CD58: variants seen among roughly 807,000 people sequenced by gnomAD.
CD58 encodes lymphocyte function-associated antigen 3.
In CD58, 14 loss-of-function variants were observed where a neutral mutation model predicts 27.6. The observed-to-expected ratio is 0.51, with a 90% CI of 0.34 to 0.79. The LOEUF (loss-of-function observed/expected upper bound fraction) is 0.79, where lower values mean the gene tolerates loss of function less well. CD58 is among the 30% of genes least tolerant of loss of function. The pLI is 0.02. For missense variants in CD58, 268 were observed against 301.7 expected (o/e 0.89, Z 0.83); for synonymous variants, 117 against 103.8 (o/e 1.13, Z -0.77).
At position 116,536,050 on chromosome 1, in the gene CD58, A is replaced by G. The variant is rs768274525; in HGVS notation, c.543T>C (p.Leu181=). ...TAAGAGTACACTGTATTTTTTGTGG[A>G]AGATCATTTTCCATCTTAAAATATA... ...TSIYFKMEND[L]PQKIQCTLSN... Residue 181 remains leucine (L), a synonymous_variant, in exon 3 of 6, where the codon CTT becomes CTC. Coordinates refer to ENST00000369489, the MANE Select transcript of CD58 (RefSeq NM_001779.3). This position sits in a 1 kb window ranked among gnomAD's most constrained non-coding sequence, Gnocchi z 5.4. 6.2e-7 allele frequency: 1 copy of G among 1,612,930 alleles called. No homozygotes were observed. The highest frequency in any genetic ancestry group is 1.1e-5 in the South Asian group (1 of 91,054).
chr1:116,527,060 T>C lies in CD58; in HGVS notation c.629-5077A>G, dbSNP rs12753954. On this transcript the variant is annotated intron_variant, in intron 3 of 5. Coordinates refer to ENST00000369489, the MANE Select transcript of CD58 (RefSeq NM_001779.3). The surrounding 1 kb of genome is among the most constrained non-coding windows in gnomAD (Gnocchi z 4.4). The stretch of plus-strand genomic sequence containing the variant: ...CAAATGTGCTATAGTTTTTTATTAG[T>C]TCCAGGAGGTTTTTGGTCAATTCGT... Among the ~76,000 whole-genome samples the C allele has an allele frequency of 6.6e-6, 1 of 152,192 alleles. No individual in the cohort carries two copies. Among genetic ancestry groups the C allele is most frequent in the South Asian group, 2.1e-4 (1 of 4,826 alleles).
rs1163195792 is a variant in CD58 at position 116,527,343 on chromosome 1, AG to A, written c.629-5361del. Among the ~76,000 whole-genome samples, 1 of 152,148 alleles carries A rather than the reference AG, an allele frequency of 6.6e-6. No homozygotes were observed. The highest frequency in any genetic ancestry group is 1.9e-4 in the East Asian group (1 of 5,200). The stretch of plus-strand genomic sequence containing the variant: ...TAGGCATTTGTTAACAAGTTGAAAA[AG>A]TTTCCCCTCTATTCCTAGTTTACTG... On this transcript the variant is annotated intron_variant, in intron 3 of 5. Transcript: ENST00000369489. This position sits in a 1 kb window ranked among gnomAD's most constrained non-coding sequence, Gnocchi z 4.4.
chr1:116,522,588 A>C lies in CD58; in HGVS notation c.629-605T>G, dbSNP rs1657293329. On this transcript the variant is annotated intron_variant, in intron 3 of 5. Transcript: ENST00000369489. The surrounding 1 kb of genome is among the most constrained non-coding windows in gnomAD (Gnocchi z 4.6). ...AACCTACCCCTGTATTTCCCCCAGGAACATTACTTCACTACTTGCTATTTC... is the reference window on the plus strand; with the variant it reads ...AACCTACCCCTGTATTTCCCCCAGGCACATTACTTCACTACTTGCTATTTC... Among the ~76,000 whole-genome samples the C allele has an allele frequency of 6.6e-6, 1 of 152,214 alleles. No homozygotes were observed. The highest frequency in any genetic ancestry group is 2.4e-5 in the African/African-American group (1 of 41,456).
chr1:116,519,056 G>A lies in CD58; in HGVS notation c.743+175C>T. On this transcript the variant is annotated intron_variant, in intron 5 of 5. Coordinates refer to ENST00000369489, the MANE Select transcript of CD58 (RefSeq NM_001779.3). The surrounding 1 kb of genome is among the most constrained non-coding windows in gnomAD (Gnocchi z 4.7). The stretch of plus-strand genomic sequence containing the variant: ...ATATGCAGAGAGTGGCTAGTGCAGT[G>A]CATGGCACACAGTTGGTACTTAATA... 7.3e-7 allele frequency: 1 copy of A among 1,364,366 alleles called. No homozygotes were observed. 84.5% of individuals were successfully genotyped at this position (1,364,366 alleles called of 1,614,324 possible).
At chr1:116,533,411 C>G in intron 3 of CD58, 1 of 815,080 alleles carries the variant, frequency 1.2e-6, no homozygotes, top group South Asian at 1.3e-5. Flanking sequence ...CTGATTTCAT[C>G]TTGCAGGTTT....
intron 1 of CD58, among the ~76,000 whole-genome samples, chr1:116,566,868 G>T (rs1005406883): frequency 6.6e-6 from 1 of 152,000 alleles, no homozygotes; most frequent in Non-Finnish European, 1.5e-5. Flanking sequence ...AAATTGCTGG[G>T]TGGCTCATGC....
chr1:116,546,815 G>A lies in CD58; in HGVS notation c.71-2211C>T, dbSNP rs776779638. Among the ~76,000 whole-genome samples the A allele has an allele frequency of 6.6e-6, 1 of 152,086 alleles. No homozygotes were observed. Among genetic ancestry groups the A allele is most frequent in the African/African-American group, 2.4e-5 (1 of 41,410 alleles). Reference sequence around the variant, plus strand: ...TACAGTTGACCCTTGAACAACATGGGTTTGAGCTGTGTGGGTCCACTTACA... The same window carrying A: ...TACAGTTGACCCTTGAACAACATGGATTTGAGCTGTGTGGGTCCACTTACA... On this transcript the variant is annotated intron_variant, in intron 1 of 5. Transcript: ENST00000369489. This position sits in a 1 kb window ranked among gnomAD's most constrained non-coding sequence, Gnocchi z 4.1.
Position 116,527,221 on chromosome 1 carries a change from G to A in CD58, c.629-5238C>T, listed in dbSNP as rs1476195821. 6.6e-6 allele frequency among the ~76,000 whole-genome samples: 1 copy of A among 152,164 alleles called. No individual in the cohort carries two copies. Among genetic ancestry groups the A allele is most frequent in the Non-Finnish European group, 1.5e-5 (1 of 68,022 alleles). On this transcript the variant is annotated intron_variant, in intron 3 of 5. Coordinates refer to ENST00000369489, the MANE Select transcript of CD58 (RefSeq NM_001779.3). This position sits in a 1 kb window ranked among gnomAD's most constrained non-coding sequence, Gnocchi z 4.4. ...GTGCTTATAGTACAATACTGAAAAG[G>A]AGTGGTGAGAAGAACATTATTTCCT...
chr1:116,534,064 A>G lies in CD58; in HGVS notation c.628+1901T>C, dbSNP rs573364225. On this transcript the variant is annotated intron_variant, in intron 3 of 5. Transcript: ENST00000369489. The surrounding 1 kb of genome is among the most constrained non-coding windows in gnomAD (Gnocchi z 5.3). ...AGCAGCTTCCACGAAATCTGAAGGA[A>G]CCCCATCTGAAAAACTGTTATCTGC... The G allele has an allele frequency of 4.4e-6, 4 of 917,774 alleles. No individual in the cohort carries two copies. In the Admixed American group the frequency reaches 5.1e-5, roughly 12 times the overall value. 56.9% of individuals were successfully genotyped at this position (917,774 alleles called of 1,614,324 possible). A position where few individuals can be genotyped will look rare whatever the true frequency, so the allele number is the denominator to read the frequency against.
intron 4 of CD58, among the ~76,000 whole-genome samples, chr1:116,520,974 ATCT>A (rs1657246397): frequency 6.6e-6 from 1 of 152,194 alleles, no homozygotes; most frequent in Non-Finnish European, 1.5e-5. Context: ...ATTATTCCTT[ATCT>A]GGGCTATCCA....
Position 116,514,689 on chromosome 1 carries a change from C to T in CD58, c.*124G>A. The stretch of plus-strand genomic sequence containing the variant: ...TGTTAGTGGGTATTTCTTCTTAAAG[C>T]AGCTGCTTCAAGTTACATTTCCAAC... On this transcript the variant is annotated 3_prime_UTR_variant, in exon 6 of 6. Transcript: ENST00000369489. The T allele has an allele frequency of 1.6e-6, 1 of 609,092 alleles. No individual in the cohort carries two copies. Among genetic ancestry groups the T allele is most frequent in the Non-Finnish European group, 2.9e-6 (1 of 344,154 alleles). 37.7% of individuals were successfully genotyped at this position (609,092 alleles called of 1,614,324 possible). A position where few individuals can be genotyped will look rare whatever the true frequency, so the allele number is the denominator to read the frequency against.
intron 1 of CD58, among the ~76,000 whole-genome samples, chr1:116,569,497 G>A (rs996251468): frequency 6.6e-6 from 1 of 151,920 alleles, no homozygotes; most frequent in African/African-American, 2.4e-5. Flanking sequence ...CTTGAAGGCT[G>A]GGCTCAAATA....
At position 116,536,335 on chromosome 1, in the gene CD58, G is replaced by A. The variant is rs982001510; in HGVS notation, c.365-107C>T. On this transcript the variant is annotated intron_variant, in intron 2 of 5. Coordinates refer to ENST00000369489, the MANE Select transcript of CD58 (RefSeq NM_001779.3). This position sits in a 1 kb window ranked among gnomAD's most constrained non-coding sequence, Gnocchi z 5.4. Reference sequence around the variant, plus strand: ...CCTCCTTACAAGCTTGAAAGGATGAGCAGACAAACTCCTTGAGCATCAAGG... The same window carrying A: ...CCTCCTTACAAGCTTGAAAGGATGAACAGACAAACTCCTTGAGCATCAAGG... The A allele has an allele frequency of 8.0e-6, 6 of 745,422 alleles. No individual in the cohort carries two copies. The African/African-American group carries it at 8.8e-5, about 11-fold the overall frequency. The allele number at this position is 745,422 out of a possible 1,614,324, so 46.2% of individuals were successfully genotyped here.
At position 116,536,038 on chromosome 1, in the gene CD58, T is replaced by C. The variant is rs748812384; in HGVS notation, c.555A>G (p.Ile185Met). The C allele has an allele frequency of 6.2e-7, 1 of 1,613,094 alleles. No homozygotes were observed. Among genetic ancestry groups the C allele is most frequent in the Non-Finnish European group, 8.5e-7 (1 of 1,179,288 alleles). ...ATAATGGATTGCTAAGAGTACACTG[T>C]ATTTTTTGTGGAAGATCATTTTCCA... ...FKMENDLPQK[I>M]QCTLSNPLFN... Residue 185 changes from isoleucine (I) to methionine (M), a missense_variant, in exon 3 of 6, where the codon ATA becomes ATG. Physicochemically the swap from Ile to Met is conservative, Grantham distance 10. Transcript: ENST00000369489. This position sits in a 1 kb window ranked among gnomAD's most constrained non-coding sequence, Gnocchi z 5.4.
chr1:116,569,427 C>G (rs555525898), intron 1 of CD58, among the ~76,000 whole-genome samples: 1 of 152,244 alleles, frequency 6.6e-6, no homozygotes, highest in East Asian at 1.9e-4. Flanking sequence ...AATCCAGACT[C>G]CCTAAGGGGA....
intron 3 of CD58, among the ~76,000 whole-genome samples, chr1:116,535,202 G>A (rs2101175216): frequency 6.6e-6 from 1 of 152,298 alleles, no homozygotes; most frequent in African/African-American, 2.4e-5. Flanking sequence ...CATATCAAAT[G>A]CATGTTCCTG....
chr1:116,562,161 A>G (rs1249227753), intron 1 of CD58, among the ~76,000 whole-genome samples: 1 of 152,132 alleles, frequency 6.6e-6, no homozygotes, highest in African/African-American at 2.4e-5. Flanking sequence ...AATCTTTACT[A>G]TTAAAAAAAA....
Position 116,528,346 on chromosome 1 carries a change from C to T in CD58, c.629-6363G>A, listed in dbSNP as rs1657490450. ...TCTATGATGAATTTTTCCAATTTCT[C>T]TCTTTTTTCTTAGGAGTAAGATCAA... is the stretch of plus-strand genomic sequence containing the variant. On this transcript the variant is annotated intron_variant, in intron 3 of 5. Coordinates refer to ENST00000369489, the MANE Select transcript of CD58 (RefSeq NM_001779.3). The surrounding 1 kb of genome is among the most constrained non-coding windows in gnomAD (Gnocchi z 4.4). Among the ~76,000 whole-genome samples the T allele has an allele frequency of 6.6e-6, 1 of 152,104 alleles. No individual in the cohort carries two copies. The highest frequency in any genetic ancestry group is 2.4e-5 in the African/African-American group (1 of 41,406).
intron 2 of CD58, among the ~76,000 whole-genome samples, chr1:116,539,777 A>C (rs1031605130): frequency 1.3e-5 from 2 of 152,108 alleles, no homozygotes; most frequent in Non-Finnish European, 2.9e-5. Context: ...AATCTTTCAT[A>C]TTTTCTTGCT....
Sources: allele counts gnomAD v4.1 joint callset (sites outside exome capture counted in the v4.1 genomes callset), GRCh38; gene constraint gnomAD v4.1.1; non-coding constraint Gnocchi (gnomAD v3.1); transcripts MANE v1.5; gene names NCBI Gene and HGNC (gene_info 2026-07-23, HGNC 2026-07-21).